SMURF1: variants seen among roughly 807,000 people sequenced by gnomAD.
The protein encoded by SMURF1 is SMAD specific E3 ubiquitin protein ligase 1.
In SMURF1, 44 loss-of-function variants were observed where a neutral mutation model predicts 98.0. The ratio of observed to expected loss-of-function variants is 0.45; its 90% CI spans 0.35 to 0.58. The LOEUF is 0.58. SMURF1 is among the 20% of genes least tolerant of loss of function. SMURF1 has a pLI of 0.00. For synonymous variants in SMURF1, 396 were observed against 374.9 expected (o/e 1.06, Z -0.65); for missense variants, 687 against 938.4 (o/e 0.73, Z 3.50).
intron 1 of SMURF1, chr7:99,081,479 T>C (rs1246346421): frequency 6.6e-6 from 1 of 152,216 alleles, no homozygotes; most frequent in Non-Finnish European, 1.5e-5. Context: ...CTTAATTCTC[T>C]TGAGGATTCT....
intron 1 of SMURF1, among the ~76,000 whole-genome samples, chr7:99,121,664 C>G (rs989190798): frequency 6.6e-6 from 1 of 152,216 alleles, no homozygotes; most frequent in Non-Finnish European, 1.5e-5. Flanking sequence ...GATCGTAGAC[C>G]ACTTAGAATA....
intron 16 of SMURF1, among the ~76,000 whole-genome samples, chr7:99,034,587 G>T (rs1795055900): frequency 6.6e-6 from 1 of 152,112 alleles, no homozygotes; most frequent in Non-Finnish European, 1.5e-5. Flanking sequence ...ATCCCCATCA[G>T]CCAGGCTCTC....
At position 99,051,983 on chromosome 7, in the gene SMURF1, AC is replaced by A. The variant is rs374976090; in HGVS notation, c.721+221del. ...GGCAACATGGCGAGACCCATTCTCT[AC>A]AAAAAATACAAAAATTAGCCAGGCA... On this transcript the variant is annotated intron_variant, in intron 7 of 17. Transcript: ENST00000361368. 4.3e-3 allele frequency among the ~76,000 whole-genome samples: 650 copies of A among 152,260 alleles called. 3 individuals carry two copies. Among genetic ancestry groups the A allele is most frequent in the African/African-American group, 0.015 (612 of 41,542 alleles).
chr7:99,123,474 T>C (rs4729513), intron 1 of SMURF1, among the ~76,000 whole-genome samples: 142,389 of 152,206 alleles, frequency 0.94, 67,294 homozygotes, highest in East Asian at 1. Context: ...GTTGAGGCTA[T>C]AGTGAGCTAT....
chr7:99,090,933 A>G (rs902038336), intron 1 of SMURF1, among the ~76,000 whole-genome samples: 1 of 152,196 alleles, frequency 6.6e-6, no homozygotes, highest in South Asian at 2.1e-4. Context: ...GCTACGCTCT[A>G]GTTAGGGGGT....
chr7:99,046,902 A>G (rs145101556), intron 10 of SMURF1, among the ~76,000 whole-genome samples: 107 of 151,774 alleles, frequency 7.0e-4, no homozygotes, highest in East Asian at 7.0e-3. Flanking sequence ...CCCATCCAAC[A>G]CTCAGGCCCA....
intron 10 of SMURF1, 47 bp from the exon 11 acceptor site, chr7:99,045,848 T>A: frequency 6.8e-7 from 1 of 1,467,456 alleles, no homozygotes; most frequent in Non-Finnish European, 9.6e-7. Flanking sequence ...TTCTTATTCT[T>A]AAAGTTATGA....
chr7:99,127,241 A>G (rs1223891051), intron 1 of SMURF1, among the ~76,000 whole-genome samples: 1 of 152,264 alleles, frequency 6.6e-6, no homozygotes, highest in Non-Finnish European at 1.5e-5. Flanking sequence ...TCAGGAGGTA[A>G]GGAAACAGAG....
intron 1 of SMURF1, among the ~76,000 whole-genome samples, chr7:99,104,851 G>C (rs965902339): frequency 2.0e-5 from 3 of 152,198 alleles, no homozygotes; most frequent in Admixed American, 2.0e-4. Flanking sequence ...ACGCAGACCA[G>C]GCTGTTTGCC....
intron 1 of SMURF1, among the ~76,000 whole-genome samples, chr7:99,112,998 T>A (rs574973809): frequency 2.6e-4 from 39 of 151,758 alleles, no homozygotes; most frequent in African/African-American, 5.8e-4. Flanking sequence ...TAAAAAAAAA[T>A]TTTTTTTAAA....
In SMURF1 at chr7:99,055,137, C is replaced by A. The variant is rs530255045; in HGVS notation, c.404-272G>T. On this transcript the variant is annotated intron_variant, in intron 5 of 17. Transcript: ENST00000361368. ...AAAAATAACAATGTAATATTCAGTC[C>A]CTCTAAGTTATTTTCAAGAAGATTT... 4.6e-5 allele frequency among the ~76,000 whole-genome samples: 7 copies of A among 152,046 alleles called. No homozygotes were observed. The South Asian group carries it at 1.5e-3, about 32-fold the overall frequency.
At chr7:99,051,732 C>T (rs1326345144) in intron 7 of SMURF1, among the ~76,000 whole-genome samples, 2 of 152,190 alleles carry the variant, frequency 1.3e-5, no homozygotes, top group East Asian at 3.8e-4. Context: ...AGATTTGGAG[C>T]AATTGCTGAA....
intron 1 of SMURF1, among the ~76,000 whole-genome samples, chr7:99,076,692 G>A (rs1796466266): frequency 1.3e-5 from 2 of 152,242 alleles, no homozygotes; most frequent in Admixed American, 6.5e-5. Context: ...GTTAGTAACA[G>A]TGTATTAAAA....
chr7:99,135,514 G>C lies in SMURF1; in HGVS notation c.55+8212C>G, dbSNP rs564225460. Among the ~76,000 whole-genome samples the C allele has an allele frequency of 2.0e-4, 31 of 151,936 alleles. No individual in the cohort carries two copies. In the East Asian group the frequency reaches 6.0e-3, roughly 29 times the overall value. On this transcript the variant is annotated intron_variant, in intron 1 of 17. Transcript: ENST00000361368. The stretch of plus-strand genomic sequence containing the variant: ...TAGTACACACACTAGCCTCTGTTTT[G>C]AATCATGCTTTTTCCCCCCACTCAA...
At chr7:99,101,898 C>A (rs948196293) in intron 1 of SMURF1, among the ~76,000 whole-genome samples, 1 of 150,684 alleles carries the variant, frequency 6.6e-6, no homozygotes, top group Non-Finnish European at 1.5e-5. Flanking sequence ...TGTGCCATTG[C>A]ACTCCAGCCT....
intron 1 of SMURF1, among the ~76,000 whole-genome samples, chr7:99,100,159 C>T (rs1797043883): frequency 6.7e-6 from 1 of 148,918 alleles, no homozygotes; most frequent in Non-Finnish European, 1.5e-5. Context: ...CCCCAGAATG[C>T]CAAATATATA....
chr7:99,126,185 G>C (rs1797739427), intron 1 of SMURF1, among the ~76,000 whole-genome samples: 1 of 152,174 alleles, frequency 6.6e-6, no homozygotes, highest in Non-Finnish European at 1.5e-5. Flanking sequence ...AATGAGAACA[G>C]CGAGCATGTA....
chr7:99,027,746 T>A lies in SMURF1; in HGVS notation c.*2838A>T, dbSNP rs1324853656. 1 of 152,566 alleles carries A rather than the reference T, an allele frequency of 6.6e-6. No homozygotes were observed. Among genetic ancestry groups the A allele is most frequent in the Non-Finnish European group, 1.5e-5 (1 of 68,032 alleles). 9.5% of individuals were successfully genotyped at this position (152,566 alleles called of 1,614,324 possible). A position where few individuals can be genotyped will look rare whatever the true frequency, so the allele number is the denominator to read the frequency against. ...TGAGAAACAAAAATAAACACATTTT[T>A]AAAATCCATACTATGTTTCGGGAAG... is the stretch of plus-strand genomic sequence containing the variant. On this transcript the variant is annotated 3_prime_UTR_variant, in exon 18 of 18. Transcript: ENST00000361368.
At chr7:99,066,623 C>T (rs1584473358) in intron 1 of SMURF1, among the ~76,000 whole-genome samples, 1 of 151,748 alleles carries the variant, frequency 6.6e-6, no homozygotes, top group East Asian at 1.9e-4. Context: ...ACAAAAAATA[C>T]AAAAATTAGC....
Sources: allele counts gnomAD v4.1 joint callset (sites outside exome capture counted in the v4.1 genomes callset), GRCh38; gene constraint gnomAD v4.1.1; transcripts MANE v1.5; gene names NCBI Gene and HGNC (gene_info 2026-07-23, HGNC 2026-07-21).